The following RTN4 variants were observed in gnomAD, a reference collection of about 807,000 sequenced individuals.
RTN4 encodes the protein reticulon 4.
Under a neutral mutation model 90.4 loss-of-function variants are expected in RTN4, and 32 were observed. The ratio of observed to expected loss-of-function variants is 0.35; its 90% CI spans 0.27 to 0.48. The LOEUF (loss-of-function observed/expected upper bound fraction) is 0.48. Ranked by LOEUF, RTN4 falls within the 20% of genes least tolerant of loss-of-function variation. The probability of loss-of-function intolerance (pLI) is 0.99; values close to 1 mark genes in which losing one functional copy is unlikely to be tolerated. For synonymous variants in RTN4, 629 were observed against 552.5 expected, an observed-to-expected ratio of 1.14 and a Z score of -1.94; for missense variants, 1,706 against 1,430.2, an observed-to-expected ratio of 1.19 and a Z score of -3.11.
chr2:54,987,801 C>A, intron 3 of RTN4, 103 bp from the exon 4 acceptor site: 1 of 924,402 alleles, frequency 1.1e-6, no homozygotes, highest in South Asian at 1.7e-5. Context: ...TAAAATCAAA[C>A]CTAAAAATTT....
At chr2:55,049,675 C>T (rs943979094) in intron 1 of RTN4, 70 bp downstream of exon 1, 1 of 1,496,346 alleles carries the variant, frequency 6.7e-7, no homozygotes, top group Non-Finnish European at 8.9e-7. Flanking sequence ...CAGCCCAAAG[C>T]ATCTGGGGCT....
chr2:55,086,198 T>C (rs530902394), intron 1 of RTN4, among the ~76,000 whole-genome samples: 5 of 152,340 alleles, frequency 3.3e-5, no homozygotes, highest in African/African-American at 9.6e-5. Flanking sequence ...ACTGGGAATA[T>C]AAAGTTGTAA....
the RTN4 span, among the ~76,000 whole-genome samples, chr2:55,128,681 G>T: frequency 6.6e-6 from 1 of 151,804 alleles, no homozygotes; most frequent in Non-Finnish European, 1.5e-5. Context: ...TCAGAACAAT[G>T]AAAGATATAG....
At chr2:55,117,135 A>G (rs1298649675), upstream of RTN4, among the ~76,000 whole-genome samples, 2 of 152,090 alleles carry the variant, frequency 1.3e-5, no homozygotes, top group Non-Finnish European at 2.9e-5. Context: ...TGGCCTCCCA[A>G]AGTGCCGGGA....
intron 2 of RTN4, among the ~76,000 whole-genome samples, chr2:55,064,218 G>GAAAGA (rs1322748376): frequency 2.4e-4 from 30 of 124,606 alleles, no homozygotes; most frequent in East Asian, 4.8e-4. Flanking sequence ...AAAAAAAAAA[G>GAAAGA]AAAGAAAAGA....
In RTN4 at chr2:55,027,490, G is replaced by C. The variant is rs767460396; in HGVS notation, c.614-5C>G. On this transcript the variant is annotated splice_polypyrimidine_tract_variant and splice_region_variant and intron_variant, in intron 2 of 8. Coordinates refer to ENST00000337526, the MANE Select transcript of RTN4 (RefSeq NM_020532.5). ...GCTCCTTCAAGTCCATATTTTCTGT[G>C]ACCATGGACAGAAAGGAAAGTTAGA... 1 of 1,585,470 alleles carries C rather than the reference G, an allele frequency of 6.3e-7. No individual in the cohort carries two copies.
upstream of RTN4, among the ~76,000 whole-genome samples, chr2:55,054,808 C>T (rs1668161304): frequency 6.6e-6 from 1 of 152,050 alleles, no homozygotes; most frequent in Non-Finnish European, 1.5e-5. Flanking sequence ...ATTTTGGCAC[C>T]CTTAAGTGAA....
chr2:54,990,763 A>T (rs915289828), intron 3 of RTN4, among the ~76,000 whole-genome samples: 1 of 152,084 alleles, frequency 6.6e-6, no homozygotes, highest in Non-Finnish European at 1.5e-5. Context: ...TCAGCAAGTA[A>T]GGTGTACCTC....
chr2:55,039,520 C>T (rs189550721), intron 1 of RTN4, among the ~76,000 whole-genome samples: 25 of 152,308 alleles, frequency 1.6e-4, no homozygotes, highest in Admixed American at 1.0e-3. Flanking sequence ...CAGGCGCGCT[C>T]GCTCACACCA....
In RTN4 at chr2:54,974,680, G is replaced by A. The variant is rs745738587; in HGVS notation, c.3430+15C>T. ...TTTCCAGCAATTTTTCATCCCAATG[G>A]CTTTGTAGACTTACCCAAAATCAGT... On this transcript the variant is annotated intron_variant, in intron 6 of 8. Transcript: ENST00000337526. 2.5e-6 allele frequency: 4 copies of A among 1,596,964 alleles called. No homozygotes were observed. Among genetic ancestry groups the A allele is most frequent in the Middle Eastern group, 1.7e-4 (1 of 6,022 alleles).
chr2:55,054,145 T>C (rs931101936), upstream of RTN4, among the ~76,000 whole-genome samples: 18 of 152,318 alleles, frequency 1.2e-4, no homozygotes, highest in Admixed American at 5.2e-4. Context: ...AGTACCAAAA[T>C]GATGTTTCAG....
intron 1 of RTN4, among the ~76,000 whole-genome samples, chr2:55,106,315 C>G (rs1667942231): frequency 1.3e-5 from 2 of 151,946 alleles, no homozygotes; most frequent in Non-Finnish European, 2.9e-5. Flanking sequence ...TCCCCCATAG[C>G]TTTTCCTTCT....
intron 1 of RTN4, among the ~76,000 whole-genome samples, chr2:55,094,438 A>G (rs946918839): frequency 6.6e-6 from 1 of 152,246 alleles, no homozygotes; most frequent in African/African-American, 2.4e-5. Context: ...ATTCCTGAGC[A>G]TCACTAGCAC....
the RTN4 span, among the ~76,000 whole-genome samples, chr2:55,124,175 A>C: frequency 6.6e-6 from 1 of 152,192 alleles, no homozygotes; most frequent in Non-Finnish European, 1.5e-5. Context: ...TTCTCTGATG[A>C]ACTTCTTCAT....
intron 3 of RTN4, among the ~76,000 whole-genome samples, chr2:54,999,685 TATA>T (rs757651382): frequency 9.8e-5 from 15 of 152,292 alleles, no homozygotes; most frequent in South Asian, 4.1e-4. Flanking sequence ...CAACCATGTT[TATA>T]ATAATAAGTA....
chr2:55,008,837 A>T (rs977249008), intron 3 of RTN4, among the ~76,000 whole-genome samples: 2 of 152,180 alleles, frequency 1.3e-5, no homozygotes, highest in African/African-American at 4.8e-5. Context: ...TTATTGTATT[A>T]TTATCATTTG....
In RTN4 at chr2:55,049,644, C is replaced by T. The variant is rs371291151; in HGVS notation, c.556+101G>A. ...CCCCGAAGTCCGCAGACAAAGCGCCCTCGGGGCGGAGAGGAGGGACCAGCC... is the reference window on the plus strand; with the variant it reads ...CCCCGAAGTCCGCAGACAAAGCGCCTTCGGGGCGGAGAGGAGGGACCAGCC... On this transcript the variant is annotated intron_variant, in intron 1 of 8. Transcript: ENST00000337526. 275 of 1,524,182 alleles carry T rather than the reference C, an allele frequency of 1.8e-4. No individual in the cohort carries two copies. The African/African-American group carries it at 3.3e-3, about 18-fold the overall frequency. 94.4% of individuals were successfully genotyped at this position (1,524,182 alleles called of 1,614,324 possible). A position where few individuals can be genotyped will look rare whatever the true frequency, so the allele number is the denominator to read the frequency against.
chr2:55,065,028 G>T (rs940555048), intron 2 of RTN4, among the ~76,000 whole-genome samples: 1 of 152,128 alleles, frequency 6.6e-6, no homozygotes, highest in Non-Finnish European at 1.5e-5. Flanking sequence ...AAGCCAGTAA[G>T]CATATGCTGG....
chr2:55,007,291 G>A (rs990298800), intron 3 of RTN4, among the ~76,000 whole-genome samples: 4 of 151,908 alleles, frequency 2.6e-5, no homozygotes, highest in African/African-American at 7.3e-5. Context: ...TTAAATCTGG[G>A]CACAACTACA....
Sources: allele counts gnomAD v4.1 joint callset (sites outside exome capture counted in the v4.1 genomes callset), GRCh38; gene constraint gnomAD v4.1.1; transcripts MANE v1.5; gene names NCBI Gene and HGNC (gene_info 2026-07-23, HGNC 2026-07-21).